The following MARCHF3 variants were observed in gnomAD, a reference collection of about 807,000 sequenced individuals.
MARCHF3 encodes the protein E3 ubiquitin-protein ligase MARCHF3.
In MARCHF3, 13 loss-of-function variants were observed where a neutral mutation model predicts 24.2. The ratio of observed to expected loss-of-function variants is 0.54; its 90% confidence interval spans 0.35 to 0.85. The LOEUF (loss-of-function observed/expected upper bound fraction) is 0.85. Among genes scored for constraint, MARCHF3 ranks in the 40% least tolerant of loss-of-function variants. The pLI, the probability that MARCHF3 is intolerant of heterozygous loss-of-function variation, is 0.01. For missense variants in MARCHF3, 276 were observed against 325.0 expected, an observed-to-expected ratio of 0.85 and a Z score of 1.16; for synonymous variants, 144 against 137.3, an observed-to-expected ratio of 1.05 and a Z score of -0.34.
intron 4 of MARCHF3, among the ~76,000 whole-genome samples, chr5:126,876,073 G>A (rs1753146906): frequency 6.6e-6 from 1 of 152,196 alleles, no homozygotes; most frequent in Admixed American, 6.5e-5. Context: ...CCTAGTCTAG[G>A]TACCTTTTCT....
intron 1 of MARCHF3, among the ~76,000 whole-genome samples, chr5:126,972,915 A>C (rs1348823415): frequency 6.6e-6 from 1 of 152,216 alleles, no homozygotes; most frequent in East Asian, 1.9e-4. Flanking sequence ...TATATACCAC[A>C]TTTCTCCCCG....
chr5:126,928,215 G>A (rs1749359319), intron 1 of MARCHF3, among the ~76,000 whole-genome samples: 1 of 152,184 alleles, frequency 6.6e-6, no homozygotes, highest in Admixed American at 6.5e-5. Context: ...CCTGAGGACG[G>A]TGTTTTATTC....
intron 1 of MARCHF3, among the ~76,000 whole-genome samples, chr5:126,981,676 C>A (rs753354884): frequency 6.6e-6 from 1 of 152,204 alleles, no homozygotes; most frequent in South Asian, 2.1e-4. Context: ...TGTGCATGCA[C>A]AAAATTTCCC....
intron 3 of MARCHF3, 68 bp downstream of exon 3, chr5:126,914,861 TC>T: frequency 6.6e-7 from 1 of 1,515,116 alleles, no homozygotes; most frequent in Non-Finnish European, 9.1e-7. Context: ...GGGCTTGTGA[TC>T]CAGGCATAAA....
chr5:127,012,288 C>T (rs1752497260), intron 1 of MARCHF3, among the ~76,000 whole-genome samples: 1 of 152,114 alleles, frequency 6.6e-6, no homozygotes, highest in Non-Finnish European at 1.5e-5. Flanking sequence ...TTTGCTCTGT[C>T]ATTTAGAAAC....
rs181142091 is a variant in MARCHF3 at position 126,909,784 on chromosome 5, C to T, written c.393+5146G>A. 2.5e-3 allele frequency among the ~76,000 whole-genome samples: 384 copies of T among 152,282 alleles called. 3 individuals carry two copies. Among genetic ancestry groups the T allele is most frequent in the African/African-American group, 8.8e-3 (365 of 41,544 alleles). ...AATCACCCGTCTTCTGCGTTGCTCA[C>T]GCTGGGAGCTGTAGACCGGAGCTGT... On this transcript the variant is annotated intron_variant, in intron 3 of 4. Transcript: ENST00000308660.
chr5:126,883,777 A>C (rs111831683), intron 3 of MARCHF3, among the ~76,000 whole-genome samples: 21 of 152,328 alleles, frequency 1.4e-4, no homozygotes, highest in Non-Finnish European at 2.8e-4. Flanking sequence ...AATCAGCTTA[A>C]ATCCCCAAGG....
chr5:126,926,064 G>T (rs1476156826), intron 1 of MARCHF3, among the ~76,000 whole-genome samples: 3 of 152,162 alleles, frequency 2.0e-5, no homozygotes, highest in African/African-American at 7.2e-5. Flanking sequence ...GCATCCAAGT[G>T]AAAGCCTATC....
At chr5:127,022,206 A>G (rs1468352652) in intron 1 of MARCHF3, among the ~76,000 whole-genome samples, 2 of 152,250 alleles carry the variant, frequency 1.3e-5, no homozygotes, top group African/African-American at 2.4e-5. Flanking sequence ...TTTACTGTGT[A>G]GGCTGTCAGA....
At chr5:127,015,582 T>C (rs1200376882) in intron 1 of MARCHF3, among the ~76,000 whole-genome samples, 1 of 152,216 alleles carries the variant, frequency 6.6e-6, no homozygotes, top group Non-Finnish European at 1.5e-5. Context: ...AAAAGGACTT[T>C]GGAGGAAAGC....
chr5:126,918,906 A>G (rs955111579), intron 1 of MARCHF3, among the ~76,000 whole-genome samples: 2 of 152,232 alleles, frequency 1.3e-5, no homozygotes, highest in African/African-American at 2.4e-5. Flanking sequence ...TTATTCATGA[A>G]ATGAGTTTAA....
intron 1 of MARCHF3, among the ~76,000 whole-genome samples, chr5:126,945,814 T>C (rs922536387): frequency 6.6e-6 from 1 of 152,204 alleles, no homozygotes; most frequent in African/African-American, 2.4e-5. Flanking sequence ...GGAACAATTA[T>C]GGTATTCACA....
chr5:126,991,150 A>T (rs201437640), intron 1 of MARCHF3, among the ~76,000 whole-genome samples: 1 of 152,232 alleles, frequency 6.6e-6, no homozygotes, highest in East Asian at 1.9e-4. Context: ...AACCAACCCA[A>T]ATGTCCATCA....
At chr5:126,974,178 T>C (rs2126831502) in intron 1 of MARCHF3, among the ~76,000 whole-genome samples, 1 of 152,016 alleles carries the variant, frequency 6.6e-6, no homozygotes, top group African/African-American at 2.4e-5. Context: ...ATTACAGGCG[T>C]GAGCCACCGC....
chr5:126,908,768 GTCC>G lies in MARCHF3; in HGVS notation c.393+6159_393+6161del, dbSNP rs2072323992. Among the ~76,000 whole-genome samples, 3 of 151,054 alleles carry G rather than the reference GTCC, an allele frequency of 2.0e-5. No individual in the cohort carries two copies. In the South Asian group the frequency reaches 6.4e-4, roughly 32 times the overall value. On this transcript the variant is annotated intron_variant, in intron 3 of 4. Transcript: ENST00000308660. ...CAACTTCTTTGCCTTTGGTTTGAAT[GTCC>G]TCCTGTAGCTCAGAGTAATTCCATC... is the stretch of plus-strand genomic sequence containing the variant.
intron 2 of MARCHF3, 78 bp downstream of exon 2, chr5:126,917,906 A>G: frequency 2.1e-6 from 3 of 1,461,158 alleles, no homozygotes; most frequent in South Asian, 1.3e-5. Flanking sequence ...CACTAATTAC[A>G]TTCCCATTAG....
At chr5:126,916,411 G>GAAAT (rs1754733377) in intron 2 of MARCHF3, among the ~76,000 whole-genome samples, 1 of 152,092 alleles carries the variant, frequency 6.6e-6, no homozygotes, top group Admixed American at 6.5e-5. Context: ...GGTCCAAATG[G>GAAAT]AAATAGCCAT....
At chr5:126,928,166 T>TA (rs1340170555) in intron 1 of MARCHF3, among the ~76,000 whole-genome samples, 3 of 152,194 alleles carry the variant, frequency 2.0e-5, no homozygotes, top group Non-Finnish European at 4.4e-5. Flanking sequence ...TTTTATGGGC[T>TA]AAAAAAATCT....
intron 1 of MARCHF3, among the ~76,000 whole-genome samples, chr5:126,949,989 A>G (rs986999187): frequency 6.6e-6 from 1 of 152,120 alleles, no homozygotes; most frequent in Middle Eastern, 3.2e-3. Flanking sequence ...TCTGTCTACT[A>G]CTTACCTTTC....
Sources: gnomAD v4.1 joint callset for allele counts (sites outside exome capture counted in the v4.1 genomes callset) on GRCh38, gnomAD v4.1.1 for gene constraint, MANE v1.5 for transcripts, NCBI Gene and HGNC (gene_info 2026-07-23, HGNC 2026-07-21) for gene names.